Variants in SEMA3E observed in about 807,000 individuals in gnomAD.
SEMA3E encodes semaphorin-3E.
A neutral mutation model predicts 93.6 loss-of-function variants in SEMA3E; 49 were observed. The observed-to-expected ratio is 0.52, with a 90% confidence interval of 0.42 to 0.66. The LOEUF is 0.66. Ranked by LOEUF, SEMA3E falls within the 30% of genes least tolerant of loss-of-function variation. SEMA3E has a pLI of 0.00. For missense variants in SEMA3E, 906 were observed against 964.8 expected (o/e 0.94, Z 0.81); for synonymous variants, 363 against 330.7 (o/e 1.10, Z -1.06).
intron 4 of SEMA3E, among the ~76,000 whole-genome samples, chr7:83,430,116 T>C (rs1210921619): frequency 6.6e-6 from 1 of 152,160 alleles, no homozygotes; most frequent in Non-Finnish European, 1.5e-5. Flanking sequence ...TGCTAGTCTT[T>C]TTTAAACCCC....
At chr7:83,631,268 T>G (rs1398946134) in intron 1 of SEMA3E, among the ~76,000 whole-genome samples, 1 of 152,166 alleles carries the variant, frequency 6.6e-6, no homozygotes, top group African/African-American at 2.4e-5. Flanking sequence ...ACTATAAGTC[T>G]GTAAATAATT....
At chr7:83,369,543 T>C (rs1367572224) in intron 16 of SEMA3E, among the ~76,000 whole-genome samples, 1 of 152,204 alleles carries the variant, frequency 6.6e-6, no homozygotes, top group African/African-American at 2.4e-5. Flanking sequence ...GTTGGGCTAA[T>C]AAAAGAGTCT....
chr7:83,552,749 A>T (rs1012438840), intron 1 of SEMA3E, among the ~76,000 whole-genome samples: 3 of 152,142 alleles, frequency 2.0e-5, no homozygotes, highest in African/African-American at 7.2e-5. Flanking sequence ...CAGGCTTACT[A>T]GGGTGGCGAA....
At chr7:83,433,041 A>G (rs555629641) in intron 4 of SEMA3E, among the ~76,000 whole-genome samples, 3 of 152,186 alleles carry the variant, frequency 2.0e-5, no homozygotes, top group African/African-American at 7.2e-5. Flanking sequence ...GACTTTTGCA[A>G]TTTTTGCATT....
intron 1 of SEMA3E, among the ~76,000 whole-genome samples, chr7:83,518,764 A>G (rs951303781): frequency 2.0e-5 from 3 of 152,174 alleles, no homozygotes; most frequent in Middle Eastern, 3.4e-3. Context: ...CTATCGGACC[A>G]GAGTCTAGCT....
chr7:83,545,491 T>C (rs1281841681), intron 1 of SEMA3E, among the ~76,000 whole-genome samples: 2 of 149,040 alleles, frequency 1.3e-5, no homozygotes, highest in East Asian at 2.0e-4. Flanking sequence ...TTATATCCAG[T>C]GTGATACCCT....
rs941477671 is a variant in SEMA3E, at chr7:83,379,955, A to G, written c.1875+5339T>C. ...CTACATTTTTTTCTGATGTCTCTCC[A>G]ACATCTCTTGCCATGCCAAATCTTC... On this transcript the variant is annotated intron_variant, in intron 16 of 16. Transcript: ENST00000643230. Among the ~76,000 whole-genome samples the G allele has an allele frequency of 3.3e-5, 5 of 151,884 alleles. No individual in the cohort carries two copies. In the South Asian group the frequency reaches 8.3e-4, roughly 25 times the overall value.
intron 1 of SEMA3E, among the ~76,000 whole-genome samples, chr7:83,545,900 ATTATATAT>A: frequency 1.5e-5 from 1 of 68,424 alleles, no homozygotes; most frequent in East Asian, 5.4e-4. Context: ...TGATAAAAAT[ATTATATAT>A]TATATATATT....
intron 16 of SEMA3E, among the ~76,000 whole-genome samples, chr7:83,376,441 C>A (rs2116903889): frequency 6.6e-6 from 1 of 152,140 alleles, no homozygotes; most frequent in South Asian, 2.1e-4. Context: ...TAGAAGCTGT[C>A]TCCATAACGC....
intron 1 of SEMA3E, among the ~76,000 whole-genome samples, chr7:83,508,893 A>G (rs1790756005): frequency 6.6e-6 from 1 of 152,210 alleles, no homozygotes; most frequent in Admixed American, 6.5e-5. Context: ...CAAAAAGACA[A>G]AAACATACTT....
chr7:83,638,957 A>T (rs1296330949), intron 1 of SEMA3E, among the ~76,000 whole-genome samples: 1 of 150,788 alleles, frequency 6.6e-6, no homozygotes, highest in Non-Finnish European at 1.5e-5. Flanking sequence ...TAAAAATACA[A>T]AAAATTAGCC....
chr7:83,395,701 A>G (rs535228197), intron 12 of SEMA3E, among the ~76,000 whole-genome samples: 1 of 152,220 alleles, frequency 6.6e-6, no homozygotes, highest in Admixed American at 6.5e-5. Context: ...AATGGCCCCC[A>G]AGCATAGCGC....
At chr7:83,477,872 A>T (rs1201294386) in intron 2 of SEMA3E, among the ~76,000 whole-genome samples, 1 of 152,068 alleles carries the variant, frequency 6.6e-6, no homozygotes, top group Non-Finnish European at 1.5e-5. Context: ...AAACAGAATT[A>T]TCTAACAGAA....
intron 4 of SEMA3E, among the ~76,000 whole-genome samples, chr7:83,420,376 T>G (rs941435322): frequency 6.6e-6 from 1 of 152,186 alleles, no homozygotes; most frequent in Non-Finnish European, 1.5e-5. Flanking sequence ...ATGGCCATAC[T>G]GCCCAAAGCA....
intron 1 of SEMA3E, among the ~76,000 whole-genome samples, chr7:83,618,776 C>A (rs138746906): frequency 2.0e-5 from 3 of 151,750 alleles, no homozygotes; most frequent in African/African-American, 7.3e-5. Flanking sequence ...AAGATAAATA[C>A]AATAAAATAC....
intron 5 of SEMA3E, among the ~76,000 whole-genome samples, chr7:83,415,178 G>A (rs1392221547): frequency 1.3e-5 from 2 of 152,060 alleles, no homozygotes; most frequent in Non-Finnish European, 2.9e-5. Flanking sequence ...ACGCAATGCA[G>A]CAATTCATTA....
intron 1 of SEMA3E, among the ~76,000 whole-genome samples, chr7:83,611,545 C>G (rs1305719078): frequency 6.6e-6 from 1 of 151,190 alleles, no homozygotes. Flanking sequence ...GCAGCCTTCC[C>G]CATCAGGAAA....
At chr7:83,482,055 T>C (rs1320449010) in intron 2 of SEMA3E, among the ~76,000 whole-genome samples, 2 of 152,100 alleles carry the variant, frequency 1.3e-5, no homozygotes, top group Non-Finnish European at 2.9e-5. Context: ...AACACAGATA[T>C]TATTTACACA....
intron 1 of SEMA3E, among the ~76,000 whole-genome samples, chr7:83,507,232 A>G (rs1042769396): frequency 6.6e-6 from 1 of 152,106 alleles, no homozygotes; most frequent in African/African-American, 2.4e-5. Context: ...GAAGGAAAAA[A>G]TCCATGTAAA....
Sources: gnomAD v4.1 joint callset for allele counts (sites outside exome capture counted in the v4.1 genomes callset) on GRCh38, gnomAD v4.1.1 for gene constraint, MANE v1.5 for transcripts, NCBI Gene and HGNC (gene_info 2026-07-23, HGNC 2026-07-21) for gene names.